Variants in WDR70 observed in about 807,000 individuals in gnomAD.
WDR70 encodes WD repeat domain 70, also known as WD repeat-containing protein 70.
In WDR70, 53 loss-of-function variants were observed where a neutral mutation model predicts 88.6. The observed-to-expected ratio is 0.60, with a 90% CI of 0.48 to 0.75. The LOEUF is 0.75. Ranked by LOEUF, WDR70 falls within the 30% of genes least tolerant of loss-of-function variation. The pLI is 0.00. For missense variants in WDR70, 610 were observed against 823.2 expected (o/e 0.74, Z 3.17); for synonymous variants, 280 against 270.0 (o/e 1.04, Z -0.36).
chr5:37,472,596 G>A (rs1019312908), intron 7 of WDR70, among the ~76,000 whole-genome samples: 2 of 152,026 alleles, frequency 1.3e-5, no homozygotes, highest in African/African-American at 4.8e-5. Flanking sequence ...CCGGGTTCAA[G>A]AAATTCTCTT....
intron 10 of WDR70, among the ~76,000 whole-genome samples, chr5:37,643,652 C>T (rs1169085704): frequency 5.3e-5 from 8 of 151,644 alleles, no homozygotes; most frequent in African/African-American, 1.9e-4. Context: ...TTGTTGTCTT[C>T]TTCAATTTCT....
intron 17 of WDR70, among the ~76,000 whole-genome samples, chr5:37,729,139 C>T (rs1338985069): frequency 1.3e-5 from 2 of 152,104 alleles, no homozygotes; most frequent in Admixed American, 1.3e-4. Flanking sequence ...TTTAGTACTT[C>T]CTTACTTTCT....
chr5:37,623,558 T>G (rs886924709), intron 10 of WDR70, among the ~76,000 whole-genome samples: 3 of 152,170 alleles, frequency 2.0e-5, no homozygotes, highest in African/African-American at 7.2e-5. Context: ...GTTATCTGGT[T>G]TAAATTATTT....
chr5:37,587,013 A>G (rs968900830), intron 9 of WDR70, among the ~76,000 whole-genome samples: 3 of 152,044 alleles, frequency 2.0e-5, no homozygotes, highest in Admixed American at 2.0e-4. Context: ...GACTCTAGCC[A>G]CCTCAAAGTA....
chr5:37,569,735 C>A lies in WDR70; in HGVS notation c.918-35329C>A, dbSNP rs78694794. ...TAGGAAGATACTGGCTACTAAACAG[C>A]AAGGTAAAATACAGTGGAATAGAAA... On this transcript the variant is annotated intron_variant, in intron 9 of 17. Coordinates refer to ENST00000265107, the MANE Select transcript of WDR70 (RefSeq NM_018034.4). 9.8e-4 allele frequency among the ~76,000 whole-genome samples: 149 copies of A among 152,146 alleles called. 1 individual carries two copies. The highest frequency in any genetic ancestry group is 3.4e-3 in the African/African-American group (141 of 41,512).
intron 7 of WDR70, among the ~76,000 whole-genome samples, chr5:37,462,855 G>GT (rs1217935622): frequency 6.6e-6 from 1 of 151,844 alleles, no homozygotes; most frequent in East Asian, 1.9e-4. Context: ...TATTTCTCAT[G>GT]TTTTTTTCAG....
rs1448150066 is a variant in WDR70, at chr5:37,526,219, A to G, written c.917+9629A>G. ...AGACCAATATCCCTGATGAACATCA[A>G]TGCAAAAATCCTCAATAAAATACTG... is the stretch of plus-strand genomic sequence containing the variant. On this transcript the variant is annotated intron_variant, in intron 9 of 17. Coordinates refer to ENST00000265107, the MANE Select transcript of WDR70 (RefSeq NM_018034.4). Among the ~76,000 whole-genome samples, 7 of 152,356 alleles carry G rather than the reference A, an allele frequency of 4.6e-5. No individual in the cohort carries two copies. The East Asian group carries it at 1.2e-3, about 25-fold the overall frequency.
intron 3 of WDR70, among the ~76,000 whole-genome samples, chr5:37,390,819 C>T (rs1748796063): frequency 6.6e-6 from 1 of 150,768 alleles, no homozygotes; most frequent in Admixed American, 6.6e-5. Flanking sequence ...CGGGTTCAAG[C>T]GATTCTCCTG....
chr5:37,652,096 A>G (rs1265585356), intron 10 of WDR70, among the ~76,000 whole-genome samples: 1 of 152,220 alleles, frequency 6.6e-6, no homozygotes, highest in Non-Finnish European at 1.5e-5. Flanking sequence ...TCTTTAATCC[A>G]TCTTGGGATA....
chr5:37,441,957 T>C (rs1454419437), intron 6 of WDR70, among the ~76,000 whole-genome samples: 1 of 152,030 alleles, frequency 6.6e-6, no homozygotes, highest in East Asian at 1.9e-4. Context: ...GAAAGCTACA[T>C]ATAGCTTAGG....
chr5:37,634,188 A>C (rs1317719855), intron 10 of WDR70, among the ~76,000 whole-genome samples: 1 of 151,476 alleles, frequency 6.6e-6, no homozygotes, highest in Non-Finnish European at 1.5e-5. Context: ...AGTCCCAGCT[A>C]CTCGGGAGGC....
intron 3 of WDR70, among the ~76,000 whole-genome samples, chr5:37,390,621 T>C (rs532516385): frequency 5.3e-4 from 81 of 151,894 alleles, no homozygotes; most frequent in African/African-American, 1.9e-3. Flanking sequence ...ATTACAGGCG[T>C]GAGCCACCAC....
At chr5:37,523,610 A>G (rs148766145) in intron 9 of WDR70, among the ~76,000 whole-genome samples, 46 of 152,374 alleles carry the variant, frequency 3.0e-4, no homozygotes, top group Admixed American at 4.6e-4. Flanking sequence ...TTCACCAGCA[A>G]TGGAACAAAG....
intron 8 of WDR70, among the ~76,000 whole-genome samples, chr5:37,514,240 A>T (rs1740808313): frequency 6.7e-6 from 1 of 148,860 alleles, no homozygotes; most frequent in Non-Finnish European, 1.5e-5. Flanking sequence ...GCTGATCTCA[A>T]ACTGCGGACC....
In WDR70 at chr5:37,627,738, A is replaced by G. The variant is rs538382228; in HGVS notation, c.1092+22500A>G. 3.3e-5 allele frequency among the ~76,000 whole-genome samples: 5 copies of G among 152,156 alleles called. No individual in the cohort carries two copies. In the South Asian group the frequency reaches 8.3e-4, roughly 25 times the overall value. On this transcript the variant is annotated intron_variant, in intron 10 of 17. Transcript: ENST00000265107. Reference sequence around the variant, plus strand: ...TTTCCATGTGTTGGTATAGTTTTGAATGTTCCTCTTGTTATGTCTAGTTTT... The same window carrying G: ...TTTCCATGTGTTGGTATAGTTTTGAGTGTTCCTCTTGTTATGTCTAGTTTT...
intron 2 of WDR70, among the ~76,000 whole-genome samples, chr5:37,379,904 C>G (rs545685266): frequency 5.5e-4 from 83 of 152,160 alleles, no homozygotes; most frequent in African/African-American, 2.0e-3. Context: ...GTAGTTTATT[C>G]AGAAATATAA....
intron 9 of WDR70, among the ~76,000 whole-genome samples, chr5:37,589,394 G>T (rs918311544): frequency 1.3e-4 from 19 of 151,764 alleles, no homozygotes; most frequent in Non-Finnish European, 2.6e-4. Context: ...TTGAATACCA[G>T]CTTTTAAGTT....
chr5:37,431,749 C>A (rs941514256), intron 5 of WDR70, among the ~76,000 whole-genome samples: 5 of 152,196 alleles, frequency 3.3e-5, no homozygotes, highest in Admixed American at 2.0e-4. Flanking sequence ...AGCAACCATT[C>A]TGCTTTCTAT....
At chr5:37,626,620 T>C (rs6863124) in intron 10 of WDR70, among the ~76,000 whole-genome samples, 7,364 of 152,282 alleles carry the variant, frequency 0.048, 584 homozygotes, top group African/African-American at 0.16. Context: ...ATCAGGGTTC[T>C]GCTGGCCTTG....
Sources: gnomAD v4.1 joint callset for allele counts (sites outside exome capture counted in the v4.1 genomes callset) on GRCh38, gnomAD v4.1.1 for gene constraint, MANE v1.5 for transcripts, NCBI Gene and HGNC (gene_info 2026-07-23, HGNC 2026-07-21) for gene names.